The following VASH2 variants were observed in gnomAD, a reference collection of about 807,000 sequenced individuals.
The protein encoded by VASH2 is tubulinyl-Tyr carboxypeptidase 2.
A neutral mutation model predicts 37.2 loss-of-function variants in VASH2; 28 were observed. That is an observed-to-expected ratio of 0.75 (90% CI 0.56 to 1.03). VASH2 has a LOEUF of 1.03. Among genes scored for constraint, VASH2 ranks in the 50% least tolerant of loss-of-function variants. VASH2 has a pLI of 0.00. For missense variants in VASH2, 419 were observed against 459.1 expected, an observed-to-expected ratio of 0.91 and a Z score of 0.80; for synonymous variants, 188 against 174.7, an observed-to-expected ratio of 1.08 and a Z score of -0.60.
intron 7 of VASH2, among the ~76,000 whole-genome samples, chr1:212,981,825 C>T (rs747236519): frequency 1.3e-5 from 2 of 152,202 alleles, no homozygotes; most frequent in South Asian, 4.1e-4. Context: ...TAAACCTCAT[C>T]TCTCCCAGAT....
intron 7 of VASH2, among the ~76,000 whole-genome samples, chr1:212,982,673 C>G (rs1335891609): frequency 1.3e-5 from 2 of 152,298 alleles, no homozygotes; most frequent in East Asian, 3.9e-4. Flanking sequence ...CTGCCCTATG[C>G]CAGCCAAGGA....
intron 2 of VASH2, among the ~76,000 whole-genome samples, chr1:212,955,008 C>T (rs1666440254): frequency 6.6e-6 from 1 of 152,184 alleles, no homozygotes; most frequent in East Asian, 1.9e-4. Context: ...TTCCAGGGGC[C>T]ACTCCTCTCG....
intron 4 of VASH2, 39 bp downstream of exon 4, chr1:212,965,817 C>T: frequency 6.5e-7 from 1 of 1,532,494 alleles, no homozygotes; most frequent in Non-Finnish European, 8.9e-7. Flanking sequence ...TGACCTCTCT[C>T]CTACATTCGA....
rs1164742031 is a variant in VASH2, at chr1:212,972,724, G to C, written c.642G>C (p.Glu214Asp). 3.1e-6 allele frequency: 5 copies of C among 1,614,114 alleles called. No individual in the cohort carries two copies. The highest frequency in any genetic ancestry group is 2.2e-5 in the East Asian group (1 of 44,896). Residue 214 changes from glutamate to aspartate, a missense_variant, in exon 6 of 8, where the codon GAG (glutamate) becomes GAC (aspartate). By Grantham distance (45) the Glu-to-Asp change is conservative (BLOSUM62 2). Coordinates refer to ENST00000517399, the MANE Select transcript of VASH2 (RefSeq NM_001301056.2). ...YGSLGMSRRA[E>D]LMDKPLTFRT... The stretch of plus-strand genomic sequence containing the variant: ...CATTGGGCATGAGCCGCAGGGCTGA[G>C]CTGATGGACAAGCCATTGACTTTTC...
chr1:212,979,100 G>A (rs960412568), intron 7 of VASH2, among the ~76,000 whole-genome samples: 6 of 152,138 alleles, frequency 3.9e-5, no homozygotes, highest in Non-Finnish European at 8.8e-5. Flanking sequence ...GCACTGGAGC[G>A]CCAAGCCCCA....
At chr1:212,978,516 C>T (rs1667245713) in intron 7 of VASH2, among the ~76,000 whole-genome samples, 1 of 152,212 alleles carries the variant, frequency 6.6e-6, no homozygotes, top group South Asian at 2.1e-4. Context: ...GCCCCAGGAG[C>T]ACGGAGGTGA....
intron 6 of VASH2, 150 bp from the exon 7 acceptor site, chr1:212,973,805 C>T (rs1667092142): frequency 7.1e-7 from 1 of 1,416,038 alleles, no homozygotes; most frequent in Admixed American, 2.9e-5. Context: ...TGTGTGTCTC[C>T]AGCCTCCTTT....
chr1:212,969,757 G>A (rs557195240), intron 5 of VASH2, among the ~76,000 whole-genome samples: 1 of 152,324 alleles, frequency 6.6e-6, no homozygotes, highest in Non-Finnish European at 1.5e-5. Flanking sequence ...GGATAGTGAA[G>A]GATATGAATG....
chr1:212,985,783 AG>A (rs574999049), intron 7 of VASH2, among the ~76,000 whole-genome samples: 151 of 152,292 alleles, frequency 9.9e-4, no homozygotes, highest in African/African-American at 2.5e-3. Context: ...GGAAGAACAA[AG>A]GAAAGAAAAA....
Position 212,973,664 on chromosome 1 carries a change from C to G in VASH2, c.880-291C>G, listed in dbSNP as rs959536831. On this transcript the variant is annotated intron_variant, in intron 6 of 7. Coordinates refer to ENST00000517399, the MANE Select transcript of VASH2 (RefSeq NM_001301056.2). Reference sequence around the variant, plus strand: ...GAACTTGCCAAGCAAACAAACACAGCCCCGGGGAGACTGAGGCATTGGGCT... The same window carrying G: ...GAACTTGCCAAGCAAACAAACACAGGCCCGGGGAGACTGAGGCATTGGGCT... The G allele has an allele frequency of 4.0e-6, 5 of 1,245,398 alleles. No individual in the cohort carries two copies. In the African/African-American group the frequency reaches 6.2e-5, roughly 15 times the overall value. 77.1% of individuals were successfully genotyped at this position (1,245,398 alleles called of 1,614,324 possible).
At chr1:212,975,053 A>G (rs1488072912) in intron 7 of VASH2, 1 of 152,244 alleles carries the variant, frequency 6.6e-6, no homozygotes, top group East Asian at 1.9e-4. Context: ...CTGTACAGTG[A>G]GCAGGGAACA....
intron 7 of VASH2, among the ~76,000 whole-genome samples, chr1:212,981,442 A>T (rs561021434): frequency 2.6e-4 from 40 of 152,320 alleles, no homozygotes; most frequent in Admixed American, 2.5e-3. Flanking sequence ...CGGCCTACCC[A>T]GACCGGCCGT....
intron 2 of VASH2, among the ~76,000 whole-genome samples, chr1:212,956,486 AG>A (rs1666500300): frequency 6.6e-6 from 1 of 152,140 alleles, no homozygotes; most frequent in South Asian, 2.1e-4. Flanking sequence ...GAGACCGTTG[AG>A]GGGAAGGGCT....
intron 5 of VASH2, chr1:212,968,479 G>A (rs1666913162): frequency 2.0e-6 from 2 of 985,326 alleles, no homozygotes; most frequent in Admixed American, 6.1e-5. Context: ...GAATCTCTGT[G>A]CCTCTCTGCA....
intron 7 of VASH2, among the ~76,000 whole-genome samples, chr1:212,977,918 A>C (rs1233912694): frequency 6.6e-6 from 1 of 152,216 alleles, no homozygotes; most frequent in Non-Finnish European, 1.5e-5. Flanking sequence ...TGTTTGATGA[A>C]TCAGAATGGG....
intron 7 of VASH2, among the ~76,000 whole-genome samples, chr1:212,982,841 G>T (rs1250798851): frequency 1.3e-5 from 2 of 152,206 alleles, no homozygotes; most frequent in Non-Finnish European, 2.9e-5. Flanking sequence ...TACAGAAGAA[G>T]AAGATGACCT....
At chr1:212,988,076 G>A (rs1463266417) in intron 7 of VASH2, among the ~76,000 whole-genome samples, 2 of 152,146 alleles carry the variant, frequency 1.3e-5, no homozygotes, top group Non-Finnish European at 2.9e-5. Flanking sequence ...CTGGGAACGT[G>A]AGTCACCTTT....
At chr1:212,955,707 A>T (rs1411459676) in intron 2 of VASH2, among the ~76,000 whole-genome samples, 1 of 152,220 alleles carries the variant, frequency 6.6e-6, no homozygotes, top group Non-Finnish European at 1.5e-5. Context: ...TTGATTCCCA[A>T]TTGGAAAATA....
chr1:212,987,484 G>A (rs3123307), intron 7 of VASH2, among the ~76,000 whole-genome samples: 70,633 of 151,998 alleles, frequency 0.46, 19,115 homozygotes, highest in African/African-American at 0.74. Context: ...TGAGGCAGGA[G>A]AATCACTTGA....
Sources: gnomAD v4.1 joint callset for allele counts (sites outside exome capture counted in the v4.1 genomes callset) on GRCh38, gnomAD v4.1.1 for gene constraint, MANE v1.5 for transcripts, NCBI Gene and HGNC (gene_info 2026-07-23, HGNC 2026-07-21) for gene names.